The following OVCH1 variants were observed in gnomAD, a reference collection of about 807,000 sequenced individuals.
The protein encoded by OVCH1 is ovochymase 1.
A neutral mutation model predicts 138.4 loss-of-function variants in OVCH1; 139 were observed. That is an observed-to-expected ratio of 1.00 (90% CI 0.87 to 1.16). The LOEUF is 1.16. OVCH1 is among the 50% of genes most tolerant of loss of function. OVCH1 has a pLI of 0.00. For missense variants in OVCH1, 1,367 were observed against 1,357.9 expected, an observed-to-expected ratio of 1.01 and a Z score of -0.11; for synonymous variants, 453 against 467.8, an observed-to-expected ratio of 0.97 and a Z score of 0.41.
the OVCH1 span, among the ~76,000 whole-genome samples, chr12:29,407,297 G>T: frequency 1.5e-5 from 2 of 130,406 alleles, 1 homozygote; most frequent in Non-Finnish European, 3.6e-5. Context: ...CTGTGCAGAA[G>T]CTCTTTAGTT....
downstream of OVCH1, among the ~76,000 whole-genome samples, chr12:29,422,906 C>G (rs1941124762): frequency 6.6e-6 from 1 of 152,120 alleles, no homozygotes; most frequent in African/African-American, 2.4e-5. Context: ...ATCATTATTT[C>G]TTAAAAATAA....
intron 24 of OVCH1, 92 bp from the exon 25 acceptor site, chr12:29,443,592 G>T: frequency 8.0e-7 from 1 of 1,246,348 alleles, no homozygotes. Context: ...CAATGTTATT[G>T]ACCCCCAGTG....
chr12:29,430,891 C>A, intron 27 of OVCH1: 1 of 518,454 alleles, frequency 1.9e-6, no homozygotes, highest in Non-Finnish European at 3.9e-6. Flanking sequence ...TCCATGTGGC[C>A]TTTTCCCAGT....
chr12:29,441,067 T>C (rs988807526), intron 25 of OVCH1, among the ~76,000 whole-genome samples: 9 of 152,130 alleles, frequency 5.9e-5, no homozygotes, highest in Non-Finnish European at 8.8e-5. Context: ...TTAGAAAGAT[T>C]TGAGATAATT....
chr12:29,450,153 C>G (rs1272489672), intron 22 of OVCH1, among the ~76,000 whole-genome samples: 1 of 152,024 alleles, frequency 6.6e-6, no homozygotes, highest in Non-Finnish European at 1.5e-5. Flanking sequence ...CAACAAAAGT[C>G]AAAATTGACA....
At chr12:29,485,953 TA>T (rs1943086477) in intron 8 of OVCH1, among the ~76,000 whole-genome samples, 1 of 106,632 alleles carries the variant, frequency 9.4e-6, no homozygotes, top group African/African-American at 3.9e-5. Context: ...TCAAAATAAA[TA>T]AAATAAAATA....
intron 26 of OVCH1, among the ~76,000 whole-genome samples, chr12:29,436,828 C>T (rs970654581): frequency 6.6e-6 from 1 of 152,152 alleles, no homozygotes; most frequent in African/African-American, 2.4e-5. Context: ...TGTTACAGCT[C>T]ATAGAGGTAG....
chr12:29,465,201 G>A, exon 17 of OVCH1: 1 of 1,602,840 alleles, frequency 6.2e-7, no homozygotes, highest in South Asian at 1.1e-5. Flanking sequence ...TAATAGTCCA[G>A]GAGAGTGGAT....
intron 4 of OVCH1, among the ~76,000 whole-genome samples, chr12:29,492,985 G>A (rs1012122194): frequency 6.6e-6 from 1 of 152,186 alleles, no homozygotes; most frequent in Non-Finnish European, 1.5e-5. Flanking sequence ...AAGTTACTTT[G>A]AATTTAGCAA....
At chr12:29,404,455 C>T in the OVCH1 span, among the ~76,000 whole-genome samples, 1 of 152,194 alleles carries the variant, frequency 6.6e-6, no homozygotes, top group Non-Finnish European at 1.5e-5. Context: ...GATTTCTGCT[C>T]ACAACCTAAT....
chr12:29,444,075 C>T (rs1941553520), intron 24 of OVCH1, 70 bp downstream of exon 24: 10 of 1,470,402 alleles, frequency 6.8e-6, no homozygotes, highest in Non-Finnish European at 9.1e-6. Flanking sequence ...AAGCAAGTAC[C>T]AAGTGTTGAT....
chr12:29,404,349 AAG>A, the OVCH1 span, among the ~76,000 whole-genome samples: 2 of 152,156 alleles, frequency 1.3e-5, no homozygotes, highest in Admixed American at 1.3e-4. Context: ...AACCAGCAAA[AAG>A]AGAAGTTCTC....
At chr12:29,407,710 C>G (rs1017238184), downstream of OVCH1, among the ~76,000 whole-genome samples, 9 of 151,982 alleles carry the variant, frequency 5.9e-5, no homozygotes, top group African/African-American at 1.7e-4. Context: ...GTTACTGTAG[C>G]CTTGTAGTAT....
At chr12:29,431,867 T>C (rs1198369610) in intron 27 of OVCH1, among the ~76,000 whole-genome samples, 1 of 152,222 alleles carries the variant, frequency 6.6e-6, no homozygotes, top group African/African-American at 2.4e-5. Flanking sequence ...CCCCTACTCA[T>C]ACATTAGCTC....
chr12:29,475,952 T>C (rs931788043), intron 13 of OVCH1, among the ~76,000 whole-genome samples: 1 of 152,212 alleles, frequency 6.6e-6, no homozygotes, highest in Non-Finnish European at 1.5e-5. Context: ...TTGCAGTTTC[T>C]CTGGCGACTG....
At chr12:29,409,683 T>C (rs1940927706), downstream of OVCH1, among the ~76,000 whole-genome samples, 1 of 152,230 alleles carries the variant, frequency 6.6e-6, no homozygotes, top group Non-Finnish European at 1.5e-5. Flanking sequence ...GAGTTTGTTA[T>C]AATTTCTGTT....
exon 28 of OVCH1, chr12:29,427,615 G>A (rs578015320): frequency 1.9e-6 from 3 of 1,551,360 alleles, no homozygotes; most frequent in East Asian, 2.4e-5. Context: ...AAATCTGCTG[G>A]CACCTGGATC....
chr12:29,475,080 T>A, exon 14 of OVCH1: 2 of 1,586,678 alleles, frequency 1.3e-6, no homozygotes, highest in Non-Finnish European at 1.7e-6. Context: ...AAATGGTAAA[T>A]CTGGCCTTGA....
chr12:29,489,174 T>C (rs540641264), intron 6 of OVCH1, among the ~76,000 whole-genome samples: 3 of 152,186 alleles, frequency 2.0e-5, no homozygotes, highest in East Asian at 3.9e-4. Flanking sequence ...TCTTGGGAGA[T>C]TGTAGTTATT....
Sources: gnomAD v4.1 joint callset for allele counts (sites outside exome capture counted in the v4.1 genomes callset) on GRCh38, gnomAD v4.1.1 for gene constraint, MANE v1.5 for transcripts, NCBI Gene and HGNC (gene_info 2026-07-23, HGNC 2026-07-21) for gene names.